Variants in LDLRAD3 observed in about 807,000 individuals in gnomAD.
LDLRAD3 encodes the protein low density lipoprotein receptor class A domain containing 3.
LDLRAD3 carries 20 observed loss-of-function variants against 29.4 expected under a neutral mutation model. The observed-to-expected ratio is 0.68, with a 90% CI of 0.48 to 0.99. The LOEUF is 0.99. Ranked by LOEUF, LDLRAD3 falls within the 50% of genes least tolerant of loss-of-function variation. The probability of loss-of-function intolerance (pLI) is 0.00; values close to 1 mark genes in which losing one functional copy is unlikely to be tolerated. For synonymous variants in LDLRAD3, 157 were observed against 192.7 expected (o/e 0.81, Z 1.53); for missense variants, 420 against 454.3 (o/e 0.92, Z 0.69).
intron 2 of LDLRAD3, among the ~76,000 whole-genome samples, chr11:36,049,329 G>A (rs1400260773): frequency 6.6e-6 from 1 of 151,908 alleles, no homozygotes; most frequent in Non-Finnish European, 1.5e-5. Flanking sequence ...CATAGCTAGT[G>A]TGCAGTTGCC....
intron 4 of LDLRAD3, among the ~76,000 whole-genome samples, chr11:36,130,831 G>C (rs1011946253): frequency 6.6e-5 from 10 of 152,238 alleles, no homozygotes; most frequent in Non-Finnish European, 1.5e-4. Flanking sequence ...TCTACTGGAA[G>C]GAGCCAGCTC....
intron 3 of LDLRAD3, among the ~76,000 whole-genome samples, chr11:36,096,488 C>A (rs1165166380): frequency 6.6e-6 from 1 of 152,200 alleles, no homozygotes; most frequent in East Asian, 1.9e-4. Flanking sequence ...TCTGGGATGA[C>A]CCCTCTTCAT....
In LDLRAD3 at chr11:36,169,086, C is replaced by T. The variant is rs147542457; in HGVS notation, c.455-57999C>T. ...TTCTGATTTGGGTGAGTGCAGACTA[C>T]AGTTGTGGAGCATTAGCTGGACCCC... On this transcript the variant is annotated intron_variant, in intron 4 of 5. Coordinates refer to ENST00000315571, the MANE Select transcript of LDLRAD3 (RefSeq NM_174902.4). Among the ~76,000 whole-genome samples the T allele has an allele frequency of 8.4e-3, 1,280 of 152,300 alleles. 12 individuals carry two copies. Among genetic ancestry groups the T allele is most frequent in the Non-Finnish European group, 0.011 (722 of 68,026 alleles).
At chr11:36,156,641 A>G (rs537747747) in intron 4 of LDLRAD3, among the ~76,000 whole-genome samples, 2 of 152,142 alleles carry the variant, frequency 1.3e-5, no homozygotes, top group Non-Finnish European at 2.9e-5. Flanking sequence ...CAACACTCAC[A>G]CCCTGATGTG....
chr11:36,013,440 G>A (rs575398049), intron 1 of LDLRAD3, among the ~76,000 whole-genome samples: 3 of 152,132 alleles, frequency 2.0e-5, no homozygotes, highest in East Asian at 3.9e-4. Context: ...TATTTGTCCT[G>A]ATGCTCTCCC....
At chr11:35,989,966 T>C (rs1393074611) in intron 1 of LDLRAD3, among the ~76,000 whole-genome samples, 2 of 152,198 alleles carry the variant, frequency 1.3e-5, no homozygotes, top group African/African-American at 4.8e-5. Flanking sequence ...AAAACCACTC[T>C]ACAGACACAA....
At chr11:36,143,505 G>A (rs1225820718) in intron 4 of LDLRAD3, among the ~76,000 whole-genome samples, 1 of 152,206 alleles carries the variant, frequency 6.6e-6, no homozygotes, top group Non-Finnish European at 1.5e-5. Flanking sequence ...GGAGGATCCT[G>A]TACCTGGAAA....
At chr11:36,183,824 A>G (rs1413779909) in intron 4 of LDLRAD3, among the ~76,000 whole-genome samples, 3 of 151,934 alleles carry the variant, frequency 2.0e-5, no homozygotes, top group Non-Finnish European at 4.4e-5. Flanking sequence ...ATTCTTCTTG[A>G]GCTATCATTC....
chr11:36,229,801 AGCATTTGG>A lies in LDLRAD3; in HGVS notation c.*406_*413del, dbSNP rs1855552050. 1 of 168,018 alleles carries A rather than the reference AGCATTTGG, an allele frequency of 6.0e-6. No individual in the cohort carries two copies. 10.4% of individuals were successfully genotyped at this position (168,018 alleles called of 1,614,324 possible). A position where few individuals can be genotyped will look rare whatever the true frequency, so the allele number is the denominator to read the frequency against. On this transcript the variant is annotated 3_prime_UTR_variant, in exon 6 of 6. Coordinates refer to ENST00000315571, the MANE Select transcript of LDLRAD3 (RefSeq NM_174902.4). ...TCTCTCTGCTGGGTAGTTACCTTATAGCATTTGGGGATTTGGGTTAGATGATCTAACCA... is the reference window on the plus strand; with the variant it reads ...TCTCTCTGCTGGGTAGTTACCTTATAGGATTTGGGTTAGATGATCTAACCA...
intron 1 of LDLRAD3, among the ~76,000 whole-genome samples, chr11:35,979,862 C>T (rs918818700): frequency 1.3e-5 from 2 of 152,208 alleles, no homozygotes; most frequent in South Asian, 4.1e-4. Context: ...CAGCCAGGCT[C>T]ACAACTATTC....
intron 1 of LDLRAD3, among the ~76,000 whole-genome samples, chr11:35,994,570 G>A (rs186134709): frequency 6.6e-5 from 10 of 152,248 alleles, no homozygotes; most frequent in Admixed American, 1.3e-4. Context: ...GTTGCTGAAG[G>A]TTGGGGTGGC....
intron 4 of LDLRAD3, among the ~76,000 whole-genome samples, chr11:36,142,226 C>T (rs1728203374): frequency 6.6e-6 from 1 of 151,986 alleles, no homozygotes; most frequent in Non-Finnish European, 1.5e-5. Flanking sequence ...AGTTTCTGAC[C>T]TCTCTGATGG....
intron 2 of LDLRAD3, among the ~76,000 whole-genome samples, chr11:36,062,448 G>T (rs1172127313): frequency 6.6e-6 from 1 of 152,124 alleles, no homozygotes; most frequent in Non-Finnish European, 1.5e-5. Flanking sequence ...CTGACACGAC[G>T]ATTATTGCCA....
rs35180520 is a variant in LDLRAD3, at chr11:36,196,029, C to CAA, written c.455-31043_455-31042dup. ...TTGCCAAAATGCCTACCCCAAAAGA[C>CAA]AAAAAAAAAAAAAAGCATACCCCAT... On this transcript the variant is annotated intron_variant, in intron 4 of 5. Transcript: ENST00000315571. 1.4e-3 allele frequency among the ~76,000 whole-genome samples: 188 copies of CAA among 138,530 alleles called. 2 individuals are homozygous for CAA. Among genetic ancestry groups the CAA allele is most frequent in the Middle Eastern group, 7.5e-3 (2 of 266 alleles). The allele number at this position is 138,530 out of a possible 152,430, so 90.9% of individuals were successfully genotyped here.
intron 4 of LDLRAD3, among the ~76,000 whole-genome samples, chr11:36,207,060 T>A (rs1565304597): frequency 6.6e-6 from 1 of 152,182 alleles, no homozygotes; most frequent in Non-Finnish European, 1.5e-5. Flanking sequence ...TTTCTCTGGC[T>A]TAAGATCTCT....
intron 4 of LDLRAD3, among the ~76,000 whole-genome samples, chr11:36,099,012 A>G (rs748860587): frequency 5.3e-5 from 8 of 151,936 alleles, no homozygotes; most frequent in African/African-American, 1.7e-4. Context: ...CATTTTTGCT[A>G]ATTTGGTAGT....
chr11:36,200,261 C>T (rs921280026), intron 4 of LDLRAD3, among the ~76,000 whole-genome samples: 5 of 152,262 alleles, frequency 3.3e-5, no homozygotes, highest in East Asian at 1.9e-4. Context: ...GATCAAGGCC[C>T]GCCAATTCAG....
At chr11:36,142,064 G>C (rs147666849) in intron 4 of LDLRAD3, among the ~76,000 whole-genome samples, 8 of 152,212 alleles carry the variant, frequency 5.3e-5, no homozygotes, top group African/African-American at 1.9e-4. Flanking sequence ...AACCACTATT[G>C]CTTGCTTCCA....
At chr11:36,027,623 A>T (rs765229528) in intron 1 of LDLRAD3, among the ~76,000 whole-genome samples, 1 of 152,134 alleles carries the variant, frequency 6.6e-6, no homozygotes, top group African/African-American at 2.4e-5. Context: ...CTTATTGCTT[A>T]GTTGGCTTTG....
Sources: gnomAD v4.1 joint callset for allele counts (sites outside exome capture counted in the v4.1 genomes callset) on GRCh38, gnomAD v4.1.1 for gene constraint, MANE v1.5 for transcripts, NCBI Gene and HGNC (gene_info 2026-07-23, HGNC 2026-07-21) for gene names.